Variants in SYNDIG1 observed in about 807,000 individuals in gnomAD.
The protein encoded by SYNDIG1 is synapse differentiation inducing 1.
A neutral mutation model predicts 19.4 loss-of-function variants in SYNDIG1; 9 were observed. The observed-to-expected ratio is 0.46, with a 90% CI of 0.28 to 0.81. The LOEUF (loss-of-function observed/expected upper bound fraction) is 0.81. SYNDIG1 is among the 30% of genes least tolerant of loss of function. SYNDIG1 has a pLI of 0.12. For missense variants in SYNDIG1, 311 were observed against 343.3 expected (o/e 0.91, Z 0.74); for synonymous variants, 141 against 145.9 (o/e 0.97, Z 0.24).
intron 1 of SYNDIG1, among the ~76,000 whole-genome samples, chr20:24,504,618 A>C (rs1247728936): frequency 1.3e-5 from 2 of 152,140 alleles, no homozygotes. Context: ...CTTAGTTTTC[A>C]GTTTTCTTCA....
chr20:24,540,474 T>C (rs2057447586), intron 1 of SYNDIG1, among the ~76,000 whole-genome samples: 1 of 152,206 alleles, frequency 6.6e-6, no homozygotes, highest in African/African-American at 2.4e-5. Flanking sequence ...TACAGGTGCT[T>C]TCACCATTGA....
At chr20:24,519,508 G>C (rs975040527) in intron 1 of SYNDIG1, among the ~76,000 whole-genome samples, 1 of 152,186 alleles carries the variant, frequency 6.6e-6, no homozygotes, top group Non-Finnish European at 1.5e-5. Context: ...TGATGTGAAT[G>C]ATGAGCTGGC....
rs150601189 is a variant in SYNDIG1 at position 24,639,305 on chromosome 20, A to G, written c.619-26041A>G. On this transcript the variant is annotated intron_variant, in intron 3 of 3. Transcript: ENST00000376862. ...GCATGTGCCCACTGGCTCCAGTGCT[A>G]CTGGGGGCTTCGTATGTGACAGTGA... Among the ~76,000 whole-genome samples, 521 of 152,282 alleles carry G rather than the reference A, an allele frequency of 3.4e-3. 5 individuals are homozygous for G. The highest frequency in any genetic ancestry group is 0.012 in the African/African-American group (504 of 41,560).
chr20:24,646,700 C>CA (rs141389220), intron 3 of SYNDIG1, among the ~76,000 whole-genome samples: 15,876 of 151,954 alleles, frequency 0.1, 1,115 homozygotes, highest in East Asian at 0.15. Context: ...CGGCTCTCTA[C>CA]AATGTCCGCC....
chr20:24,500,048 C>A (rs2056400937), intron 1 of SYNDIG1, among the ~76,000 whole-genome samples: 7 of 152,044 alleles, frequency 4.6e-5, no homozygotes. Flanking sequence ...GAAAGGGAAC[C>A]CAAAAAAGGC....
Position 24,585,215 on chromosome 20 carries a change from C to T in SYNDIG1, c.618+222C>T, listed in dbSNP as rs191841336. 1.1e-3 allele frequency among the ~76,000 whole-genome samples: 172 copies of T among 152,288 alleles called. 1 individual carries two copies. The highest frequency in any genetic ancestry group is 1.9e-3 in the Non-Finnish European group (130 of 68,028). ...CTCACCCCAGATGCAGCTGTGTCCT[C>T]GCAGAGGTGGGACTGCGTTCCGAAG... On this transcript the variant is annotated intron_variant, in intron 3 of 3. Coordinates refer to ENST00000376862, the MANE Select transcript of SYNDIG1 (RefSeq NM_024893.3).
At chr20:24,539,743 T>C (rs1443680755) in intron 1 of SYNDIG1, among the ~76,000 whole-genome samples, 1 of 149,572 alleles carries the variant, frequency 6.7e-6, no homozygotes, top group Non-Finnish European at 1.5e-5. Context: ...TTGTGTCTTC[T>C]TTAATTTTTT....
intron 1 of SYNDIG1, among the ~76,000 whole-genome samples, chr20:24,542,251 T>A (rs1289059649): frequency 1.3e-5 from 2 of 152,182 alleles, no homozygotes; most frequent in Non-Finnish European, 1.5e-5. Flanking sequence ...TAAAATTTAG[T>A]AAATAATCAG....
intron 3 of SYNDIG1, among the ~76,000 whole-genome samples, chr20:24,633,295 C>A (rs2059272566): frequency 6.6e-6 from 1 of 152,166 alleles, no homozygotes; most frequent in African/African-American, 2.4e-5. Context: ...GCAGAGCCAC[C>A]ACTGCCCACC....
intron 1 of SYNDIG1, among the ~76,000 whole-genome samples, chr20:24,493,441 A>G (rs756204057): frequency 6.6e-6 from 1 of 152,118 alleles, no homozygotes; most frequent in South Asian, 2.1e-4. Flanking sequence ...GCACACATAC[A>G]TGGGCATACA....
chr20:24,632,968 G>A (rs1444747582), intron 3 of SYNDIG1, among the ~76,000 whole-genome samples: 2 of 139,308 alleles, frequency 1.4e-5, no homozygotes, highest in Non-Finnish European at 3.1e-5. Context: ...TTTTTTTTTC[G>A]TTTTGGTCAA....
chr20:24,665,726 G>C lies in SYNDIG1; in HGVS notation c.*222G>C. The C allele has an allele frequency of 1.7e-6, 1 of 574,220 alleles. No individual in the cohort carries two copies. Among genetic ancestry groups the C allele is most frequent in the Non-Finnish European group, 2.8e-6 (1 of 358,096 alleles). 35.6% of individuals were successfully genotyped at this position (574,220 alleles called of 1,614,324 possible). A position where few individuals can be genotyped will look rare whatever the true frequency, so the allele number is the denominator to read the frequency against. ...ACGGGCACTGCTAATCCTTCCAAAG[G>C]AAAGCTCCAAAGATCCCAGCCCGCA... On this transcript the variant is annotated 3_prime_UTR_variant, in exon 4 of 4. Coordinates refer to ENST00000376862, the MANE Select transcript of SYNDIG1 (RefSeq NM_024893.3).
At chr20:24,639,046 G>A (rs1234149592) in intron 3 of SYNDIG1, among the ~76,000 whole-genome samples, 1 of 152,114 alleles carries the variant, frequency 6.6e-6, no homozygotes, top group Non-Finnish European at 1.5e-5. Flanking sequence ...GGCCCAGGAA[G>A]CAGAGCTGAG....
intron 2 of SYNDIG1, among the ~76,000 whole-genome samples, chr20:24,552,605 C>T (rs543941711): frequency 4.5e-3 from 688 of 152,062 alleles, no homozygotes; most frequent in Middle Eastern, 0.034. Flanking sequence ...TGATGATTTC[C>T]AATTTCATCC....
intron 3 of SYNDIG1, among the ~76,000 whole-genome samples, chr20:24,596,665 C>T (rs118120066): frequency 6.6e-6 from 1 of 152,338 alleles, no homozygotes; most frequent in Non-Finnish European, 1.5e-5. Flanking sequence ...AGGCATGAGC[C>T]ACCGGGCCTG....
chr20:24,558,077 C>G (rs2057862657), intron 2 of SYNDIG1, among the ~76,000 whole-genome samples: 1 of 152,088 alleles, frequency 6.6e-6, no homozygotes, highest in Admixed American at 6.5e-5. Flanking sequence ...TCTGGAGGGA[C>G]AAGGAAGCAA....
intron 3 of SYNDIG1, among the ~76,000 whole-genome samples, chr20:24,655,603 G>A (rs917603696): frequency 2.6e-5 from 4 of 152,156 alleles, no homozygotes; most frequent in Non-Finnish European, 5.9e-5. Context: ...AGACATTGCT[G>A]CTGGTGTTTT....
At chr20:24,587,270 T>G (rs1421097232) in intron 3 of SYNDIG1, among the ~76,000 whole-genome samples, 1 of 152,198 alleles carries the variant, frequency 6.6e-6, no homozygotes, top group Non-Finnish European at 1.5e-5. Context: ...AGAATGTATT[T>G]CCCTGTGGTA....
At chr20:24,556,241 G>A (rs6076237) in intron 2 of SYNDIG1, among the ~76,000 whole-genome samples, 41,340 of 151,870 alleles carry the variant, frequency 0.27, 6,162 homozygotes, top group East Asian at 0.58. Context: ...CACACTGATG[G>A]GTCTTGACTC....
Sources: gnomAD v4.1 joint callset for allele counts (sites outside exome capture counted in the v4.1 genomes callset) on GRCh38, gnomAD v4.1.1 for gene constraint, MANE v1.5 for transcripts, NCBI Gene and HGNC (gene_info 2026-07-23, HGNC 2026-07-21) for gene names.